Variants in SCML2 observed in about 807,000 individuals in gnomAD.
SCML2 encodes sex comb on midleg-like protein 2.
Under a neutral mutation model 48.4 loss-of-function variants are expected in SCML2, and 6 were observed. The observed-to-expected ratio is 0.12, with a 90% CI of 0.07 to 0.24. The LOEUF is 0.24. SCML2 is among the 10% of genes least tolerant of loss of function. The probability of loss-of-function intolerance (pLI) is 1.00; values close to 1 mark genes in which losing one functional copy is unlikely to be tolerated. For synonymous variants in SCML2, 181 were observed against 189.5 expected (o/e 0.95, Z 0.37); for missense variants, 377 against 528.2 (o/e 0.71, Z 2.81).
intron 6 of SCML2, among the ~76,000 whole-genome samples, chrX:18,309,623 C>G (rs1437219643): frequency 8.9e-6 from 1 of 111,941 alleles, no homozygotes; most frequent in Non-Finnish European, 1.9e-5. Context: ...ATCATGTCCT[C>G]TGTAACACAG....
At chrX:18,333,926 A>G (rs1929730465) in intron 2 of SCML2, 124 bp downstream of exon 2, 2 of 516,488 alleles carry the variant, frequency 3.9e-6, no homozygotes, top group South Asian at 5.0e-5. Context: ...TCAAATTCTA[A>G]GCACCTAGCA....
chrX:18,302,933 A>G (rs978614858), intron 7 of SCML2, among the ~76,000 whole-genome samples: 1 of 111,848 alleles, frequency 8.9e-6, no homozygotes, highest in African/African-American at 3.2e-5. Context: ...CTTATATAAC[A>G]TAGAAGTTTA....
intron 7 of SCML2, among the ~76,000 whole-genome samples, chrX:18,272,843 T>C (rs1374730583): frequency 8.9e-6 from 1 of 111,803 alleles, no homozygotes; most frequent in Non-Finnish European, 1.9e-5. Context: ...GAAATCCTAC[T>C]TACCTACACT....
At chrX:18,309,359 GA>G (rs1030501852) in intron 6 of SCML2, among the ~76,000 whole-genome samples, 10 of 111,800 alleles carry the variant, frequency 8.9e-5, no homozygotes, top group African/African-American at 3.3e-4. Context: ...AGCCACTGAG[GA>G]AGGCAGTTTG....
At chrX:18,243,614 AT>A (rs1926343965) in intron 13 of SCML2, among the ~76,000 whole-genome samples, 1 of 112,041 alleles carries the variant, frequency 8.9e-6, no homozygotes, top group Admixed American at 9.5e-5. Context: ...TTAACATTTA[AT>A]TTAACTCCTT....
chrX:18,240,447 G>A lies in SCML2; in HGVS notation c.*804C>T, dbSNP rs1926222560. ...AAAGAATGCCTAGTTAAATGTCCAA[G>A]CGTAGTGAAAATATGGAAAGTTTTA... On this transcript the variant is annotated 3_prime_UTR_variant, in exon 15 of 15. Transcript: ENST00000251900. 1 of 111,906 alleles carries A rather than the reference G, an allele frequency of 8.9e-6. No homozygotes were observed. Among genetic ancestry groups the A allele is most frequent in the African/African-American group, 3.2e-5 (1 of 30,774 alleles). The allele number at this position is 111,906 out of a possible 1,213,427, so 9.2% of individuals were successfully genotyped here.
chrX:18,288,903 G>T (rs768564114), intron 7 of SCML2, among the ~76,000 whole-genome samples: 37 of 111,361 alleles, frequency 3.3e-4, no homozygotes, highest in African/African-American at 1.1e-3. Flanking sequence ...TTGGTTTAAG[G>T]GGGGAGGAGT....
intron 1 of SCML2, among the ~76,000 whole-genome samples, chrX:18,351,835 AG>A (rs943360288): frequency 8.9e-6 from 1 of 111,879 alleles, no homozygotes; most frequent in African/African-American, 3.2e-5. Flanking sequence ...CGCACCCCCA[AG>A]AGCTCAAACT....
At chrX:18,347,893 A>C (rs893850732) in intron 1 of SCML2, among the ~76,000 whole-genome samples, 5 of 110,881 alleles carry the variant, frequency 4.5e-5, no homozygotes, top group African/African-American at 1.6e-4. Flanking sequence ...TTTAGTAAAG[A>C]GTCCACCCCA....
intron 7 of SCML2, among the ~76,000 whole-genome samples, chrX:18,300,648 G>A (rs751074517): frequency 3.6e-5 from 4 of 110,055 alleles, no homozygotes; most frequent in East Asian, 5.8e-4. Flanking sequence ...AAAATTAGCC[G>A]GGTGTTGTGG....
At chrX:18,292,121 GAA>G (rs1928251513) in intron 7 of SCML2, among the ~76,000 whole-genome samples, 1 of 111,459 alleles carries the variant, frequency 9.0e-6, no homozygotes, top group South Asian at 3.7e-4. Context: ...AGTAATCTAA[GAA>G]ATGAAATTTT....
intron 4 of SCML2, 60 bp from the exon 5 acceptor site, chrX:18,324,153 A>G: frequency 1.4e-6 from 1 of 713,076 alleles, no homozygotes; most frequent in Admixed American, 2.9e-5. Context: ...ACACATGGAC[A>G]GCTATGTCAC....
chrX:18,282,879 G>C (rs990593094), intron 7 of SCML2, among the ~76,000 whole-genome samples: 1 of 110,980 alleles, frequency 9.0e-6, no homozygotes, highest in Non-Finnish European at 1.9e-5. Flanking sequence ...AAGAAGAGCT[G>C]GTACCAATCC....
intron 9 of SCML2, among the ~76,000 whole-genome samples, chrX:18,259,005 T>C (rs1272892388): frequency 2.7e-5 from 3 of 111,403 alleles, no homozygotes; most frequent in Non-Finnish European, 5.7e-5. Flanking sequence ...TGGTCACGCC[T>C]GTAATCCCAG....
chrX:18,311,902 T>C (rs1171464145), intron 6 of SCML2, among the ~76,000 whole-genome samples: 1 of 111,785 alleles, frequency 8.9e-6, no homozygotes, highest in African/African-American at 3.3e-5. Context: ...GCAATTCTCC[T>C]GTTTCAGCCA....
At chrX:18,266,262 A>C (rs1407609993) in intron 7 of SCML2, among the ~76,000 whole-genome samples, 1 of 111,606 alleles carries the variant, frequency 9.0e-6, no homozygotes, top group Non-Finnish European at 1.9e-5. Flanking sequence ...CTTGCTCTTG[A>C]CTTTTTTCAG....
In SCML2 at chrX:18,287,030, A is replaced by T. The variant is rs1454744023; in HGVS notation, c.730+17942T>A. The stretch of plus-strand genomic sequence containing the variant: ...ATGGCCAGAGTTCAAGAGCTAAAAC[A>T]AGCCCAGAATCTGCTGCCTTAGCTC... On this transcript the variant is annotated intron_variant, in intron 7 of 14. Coordinates refer to ENST00000251900, the MANE Select transcript of SCML2 (RefSeq NM_006089.3). Among the ~76,000 whole-genome samples, 3 of 111,317 alleles carry T rather than the reference A, an allele frequency of 2.7e-5. No individual in the cohort carries two copies. In the East Asian group the frequency reaches 8.5e-4, roughly 32 times the overall value.
chrX:18,329,127 G>A (rs1048110717), intron 3 of SCML2, among the ~76,000 whole-genome samples: 1 of 111,477 alleles, frequency 9.0e-6, no homozygotes, highest in Admixed American at 9.6e-5. Context: ...GAAAACCATT[G>A]AATTGTGCAC....
intron 13 of SCML2, among the ~76,000 whole-genome samples, chrX:18,245,732 C>T (rs948476233): frequency 9.0e-5 from 10 of 111,447 alleles, no homozygotes; most frequent in African/African-American, 3.3e-4. Context: ...GTTTTGGCTC[C>T]TTTCTTTCTT....
Sources: allele counts gnomAD v4.1 joint callset (sites outside exome capture counted in the v4.1 genomes callset), GRCh38; gene constraint gnomAD v4.1.1; transcripts MANE v1.5; gene names NCBI Gene and HGNC (gene_info 2026-07-23, HGNC 2026-07-21).